SEC24C: variants seen among roughly 807,000 people sequenced by gnomAD.
SEC24C encodes SEC24 homolog C, COPII component, also known as protein transport protein Sec24C.
Under a neutral mutation model 117.0 loss-of-function variants are expected in SEC24C, and 22 were observed. The ratio of observed to expected loss-of-function variants is 0.19; its 90% confidence interval spans 0.13 to 0.27. SEC24C has a LOEUF of 0.27. SEC24C is among the 10% of genes least tolerant of loss of function. The pLI is 1.00. For synonymous variants in SEC24C, 506 were observed against 529.4 expected (o/e 0.96, Z 0.61); for missense variants, 1,155 against 1,375.1 (o/e 0.84, Z 2.53).
chr10:73,763,456 C>T (rs1398381886), intron 6 of SEC24C, 34 bp from the exon 7 acceptor site: 1 of 1,418,058 alleles, frequency 7.1e-7, no homozygotes, highest in Non-Finnish European at 9.9e-7. Context: ...CTTCCTTTTT[C>T]TTCTGTCACC....
intron 16 of SEC24C, 50 bp downstream of exon 16, chr10:73,768,956 C>A (rs1433103969): frequency 1.2e-6 from 2 of 1,614,136 alleles, no homozygotes; most frequent in Non-Finnish European, 1.7e-6. Context: ...GGAAGGGAGG[C>A]ATGTGGCACT....
At chr10:73,762,024 G>A in intron 6 of SEC24C, 1 of 1,056,042 alleles carries the variant, frequency 9.5e-7, no homozygotes, top group Admixed American at 2.3e-5. Context: ...GTTGAGAGAA[G>A]TAACATCTGC....
intron 3 of SEC24C, among the ~76,000 whole-genome samples, chr10:73,759,295 A>G (rs2082759185): frequency 2.0e-5 from 3 of 152,188 alleles, no homozygotes; most frequent in African/African-American, 7.2e-5. Flanking sequence ...CAGTGCTTTC[A>G]GGGCTTCAGA....
At chr10:73,762,014 G>C in intron 6 of SEC24C, 2 of 940,644 alleles carry the variant, frequency 2.1e-6, no homozygotes, top group Non-Finnish European at 3.0e-6. Context: ...ACTCAACAGG[G>C]TTGAGAGAAG....
chr10:73,758,343 G>A (rs1043571605), intron 3 of SEC24C, among the ~76,000 whole-genome samples: 1 of 152,192 alleles, frequency 6.6e-6, no homozygotes. Flanking sequence ...AGGTAATTTG[G>A]TTGGATTTTT....
intron 3 of SEC24C, among the ~76,000 whole-genome samples, chr10:73,756,447 A>G (rs554791136): frequency 6.6e-6 from 1 of 152,254 alleles, no homozygotes; most frequent in Admixed American, 6.5e-5. Context: ...TGAAAAAAAA[A>G]GTTCTTGGGA....
intron 2 of SEC24C, among the ~76,000 whole-genome samples, chr10:73,749,845 C>T (rs1393907792): frequency 1.3e-5 from 2 of 152,198 alleles, no homozygotes; most frequent in Non-Finnish European, 2.9e-5. Context: ...TCCAGCCTTA[C>T]CTTACTTTCT....
intron 6 of SEC24C, chr10:73,762,031 C>A: frequency 9.1e-7 from 1 of 1,104,202 alleles, no homozygotes; most frequent in Non-Finnish European, 1.2e-6. Context: ...GAAGTAACAT[C>A]TGCCTCTTGT....
At chr10:73,745,096 C>T (rs1250285338) in intron 1 of SEC24C, among the ~76,000 whole-genome samples, 1 of 152,076 alleles carries the variant, frequency 6.6e-6, no homozygotes, top group Admixed American at 6.5e-5. Context: ...GTCAAGGTGG[C>T]CCTTCTAGCA....
chr10:73,770,879 T>C, intron 22 of SEC24C, 76 bp from the exon 23 acceptor site: 13 of 1,612,988 alleles, frequency 8.1e-6, no homozygotes, highest in Non-Finnish European at 1.1e-5. Flanking sequence ...AATGAGTAAG[T>C]GACTGCCTAA....
intron 3 of SEC24C, among the ~76,000 whole-genome samples, chr10:73,757,963 C>T (rs952249435): frequency 5.1e-5 from 7 of 137,534 alleles, no homozygotes; most frequent in Admixed American, 4.6e-4. Context: ...AGGCTGGGCA[C>T]GGTGGCTCAC....
Position 73,763,837 on chromosome 10 carries a change from C to A in SEC24C, c.1100-19C>A. On this transcript the variant is annotated intron_variant, in intron 7 of 22. Transcript: ENST00000345254. Reference sequence around the variant, plus strand: ...AAGGATTCTGTGATCTGACTCGGGTCTTCTGCCTCCTTCTTCAGGGAATGC... The same window carrying A: ...AAGGATTCTGTGATCTGACTCGGGTATTCTGCCTCCTTCTTCAGGGAATGC... The A allele has an allele frequency of 1.2e-6, 2 of 1,611,808 alleles. No individual in the cohort carries two copies. The highest frequency in any genetic ancestry group is 1.7e-6 in the Non-Finnish European group (2 of 1,178,804).
chr10:73,769,568 C>T lies in SEC24C; in HGVS notation c.2564-47C>T. 1 of 1,612,320 alleles carries T rather than the reference C, an allele frequency of 6.2e-7. No homozygotes were observed. The highest frequency in any genetic ancestry group is 8.5e-7 in the Non-Finnish European group (1 of 1,178,548). ...GGGTAGTTGTGATGGTGGGAATGCA[C>T]ACATGATGGGCAGCTGACCAGTGAC... On this transcript the variant is annotated intron_variant, in intron 18 of 22. Transcript: ENST00000345254. This position sits in a 1 kb window ranked among gnomAD's most constrained non-coding sequence, Gnocchi z 4.5.
chr10:73,768,688 A>G, intron 15 of SEC24C, 122 bp from the exon 16 acceptor site: 1 of 844,232 alleles, frequency 1.2e-6, no homozygotes, highest in Non-Finnish European at 2.0e-6. Flanking sequence ...CATCATTATC[A>G]TCCTCACTGT....
Position 73,769,059 on chromosome 10 carries a change from T to A in SEC24C, c.2331T>A (p.Asp777Glu). ...CTTTCTACATGAGCAACACGACAGATGTGGAGCTGGCTGGGCTAGATGGGG... is the reference window on the plus strand; with the variant it reads ...CTTTCTACATGAGCAACACGACAGAAGTGGAGCTGGCTGGGCTAGATGGGG... ...FGAFYMSNTT[D>E]VELAGLDGDK... The change falls in exon 17 of 23, where the codon GAT becomes GAA. Residue 777 changes from aspartate (D) to glutamate (E), a missense_variant. This residue lies in a region of SEC24C where 759 missense variants were observed against 992.3 expected (regional missense o/e 0.76). Coordinates refer to ENST00000345254, the MANE Select transcript of SEC24C (RefSeq NM_198597.3). This position sits in a 1 kb window ranked among gnomAD's most constrained non-coding sequence, Gnocchi z 4.5. The A allele has an allele frequency of 3.7e-6, 6 of 1,614,182 alleles. No individual in the cohort carries two copies. Among genetic ancestry groups the A allele is most frequent in the Non-Finnish European group, 5.1e-6 (6 of 1,180,032 alleles).
At position 73,747,004 on chromosome 10, in the gene SEC24C, G is replaced by C. The variant is rs1487170387; in HGVS notation, c.172G>C (p.Gly58Arg). The change falls in exon 2 of 23, where the codon GGT (glycine) becomes CGT (arginine). Residue 58 changes from glycine (G) to arginine (R), a missense_variant and splice_region_variant. Coordinates refer to ENST00000345254, the MANE Select transcript of SEC24C (RefSeq NM_198597.3). ...VPGYQQTPPQ[G>R]MSRAPPSSGA... is the part of the protein sequence containing the mutation. ...AGGCTATCAGCAAACACCTCCCCAA[G>C]GTATGTTTCTGTTTCTGTTTCCTTT... The C allele has an allele frequency of 1.2e-5, 20 of 1,609,990 alleles. No individual in the cohort carries two copies. The highest frequency in any genetic ancestry group is 1.5e-5 in the Non-Finnish European group (18 of 1,177,960).
chr10:73,763,790 C>T (rs2082836620), intron 7 of SEC24C, 66 bp from the exon 8 acceptor site: 1 of 1,527,812 alleles, frequency 6.5e-7, no homozygotes, highest in Non-Finnish European at 8.9e-7. Flanking sequence ...GTGTGGATCA[C>T]CAATGGAGAG....
intron 3 of SEC24C, 120 bp downstream of exon 3, chr10:73,751,363 C>G: frequency 2.2e-6 from 2 of 912,006 alleles, no homozygotes; most frequent in Non-Finnish European, 3.1e-6. Flanking sequence ...GAGTTTGAGA[C>G]CAGCCTGGCC....
rs71021569 is a variant in SEC24C, at chr10:73,763,667, C to CTTTTTTTTTTTT, written c.1099+87_1099+98dup. On this transcript the variant is annotated intron_variant, in intron 7 of 22. Coordinates refer to ENST00000345254, the MANE Select transcript of SEC24C (RefSeq NM_198597.3). ...CAAGATTATCAGCTTATGGTTGGGG[C>CTTTTTTTTTTTT]TTTTTTTTTTTTTTTTTTTTTTTTT... 9.0e-3 allele frequency: 546 copies of CTTTTTTTTTTTT among 60,516 alleles called. 81 individuals carry two copies. The highest frequency in any genetic ancestry group is 0.012 in the Non-Finnish European group (403 of 32,754). 3.7% of individuals were successfully genotyped at this position (60,516 alleles called of 1,614,324 possible).
Sources: gnomAD v4.1 joint callset for allele counts (sites outside exome capture counted in the v4.1 genomes callset) on GRCh38, gnomAD v4.1.1 for gene constraint, gnomAD v4.1.1 regional missense constraint, Gnocchi (gnomAD v3.1) non-coding constraint, MANE v1.5 for transcripts, NCBI Gene and HGNC (gene_info 2026-07-23, HGNC 2026-07-21) for gene names.